Variants in TAOK3 observed in about 807,000 individuals in gnomAD.
TAOK3 encodes serine/threonine-protein kinase TAO3.
In TAOK3, 40 loss-of-function variants were observed where a neutral mutation model predicts 120.4. That is an observed-to-expected ratio of 0.33 (90% confidence interval 0.26 to 0.43). The LOEUF (loss-of-function observed/expected upper bound fraction) is 0.43. Ranked by LOEUF, TAOK3 falls within the 20% of genes least tolerant of loss-of-function variation. TAOK3 has a pLI of 1.00. For synonymous variants in TAOK3, 355 were observed against 387.5 expected (o/e 0.92, Z 0.99); for missense variants, 821 against 1,112.1 (o/e 0.74, Z 3.72).
At chr12:118,164,665 G>C (rs1032561286) in intron 17 of TAOK3, among the ~76,000 whole-genome samples, 2 of 152,080 alleles carry the variant, frequency 1.3e-5, no homozygotes, top group African/African-American at 4.8e-5. Flanking sequence ...TGATCCACCC[G>C]CCTCGGCCTT....
chr12:118,351,955 G>A (rs2045184301), intron 1 of TAOK3, among the ~76,000 whole-genome samples: 1 of 137,410 alleles, frequency 7.3e-6, no homozygotes, highest in East Asian at 2.4e-4. Flanking sequence ...CTCACTCCAA[G>A]CTCCGCCTCC....
At chr12:118,370,772 G>A (rs1464376929) in intron 1 of TAOK3, among the ~76,000 whole-genome samples, 2 of 152,120 alleles carry the variant, frequency 1.3e-5, no homozygotes, top group Non-Finnish European at 2.9e-5. Context: ...CTCAGAGTAG[G>A]AGGCTGTCCC....
chr12:118,219,860 C>T (rs150943851), intron 9 of TAOK3, among the ~76,000 whole-genome samples: 3,019 of 150,388 alleles, frequency 0.02, 40 homozygotes, highest in Middle Eastern at 0.045. Context: ...GCGATCTGCC[C>T]GCCCCAACCT....
intron 20 of TAOK3, among the ~76,000 whole-genome samples, chr12:118,151,851 A>G (rs1187842830): frequency 6.6e-6 from 1 of 152,172 alleles, no homozygotes; most frequent in African/African-American, 2.4e-5. Flanking sequence ...CGGTTTAAAA[A>G]TAGCTGAAAA....
chr12:118,196,100 G>A (rs1406414166), intron 13 of TAOK3, among the ~76,000 whole-genome samples: 1 of 123,042 alleles, frequency 8.1e-6, no homozygotes, highest in Non-Finnish European at 1.8e-5. Flanking sequence ...TAAATAAAAG[G>A]AAGTTTGGAT....
chr12:118,199,003 G>A (rs1329221673), intron 13 of TAOK3, 48 bp downstream of exon 13: 12 of 1,600,278 alleles, frequency 7.5e-6, no homozygotes, highest in Middle Eastern at 1.7e-4. Flanking sequence ...AACTGGATTC[G>A]CTATGATTGA....
chr12:118,150,943 T>C lies in TAOK3; in HGVS notation c.*54A>G, dbSNP rs1239106386. Reference sequence around the variant, plus strand: ...GAATGTGGTTTTGCAGGGTCTGAATTTTTTTCTGTTTTCTTTTTTTTTTTT... The same window carrying C: ...GAATGTGGTTTTGCAGGGTCTGAATCTTTTTCTGTTTTCTTTTTTTTTTTT... On this transcript the variant is annotated 3_prime_UTR_variant, in exon 21 of 21. Coordinates refer to ENST00000392533, the MANE Select transcript of TAOK3 (RefSeq NM_016281.4). The C allele has an allele frequency of 6.6e-7, 1 of 1,526,318 alleles. No homozygotes were observed. The highest frequency in any genetic ancestry group is 1.4e-5 in the African/African-American group (1 of 71,446). The allele number at this position is 1,526,318 out of a possible 1,614,324, so 94.5% of individuals were successfully genotyped here. A position where few individuals can be genotyped will look rare whatever the true frequency, so the allele number is the denominator to read the frequency against.
chr12:118,166,698 A>C (rs1359705983), intron 17 of TAOK3, among the ~76,000 whole-genome samples: 1 of 152,090 alleles, frequency 6.6e-6, no homozygotes, highest in Non-Finnish European at 1.5e-5. Context: ...GAGCCACATC[A>C]TGTGCACCTT....
intron 1 of TAOK3, among the ~76,000 whole-genome samples, chr12:118,368,360 G>A (rs1048636465): frequency 4.6e-5 from 7 of 151,978 alleles, no homozygotes; most frequent in African/African-American, 1.7e-4. Context: ...CCACGCCCCG[G>A]CTAATGTTTG....
At chr12:118,308,126 G>A (rs12296292) in intron 1 of TAOK3, among the ~76,000 whole-genome samples, 4,519 of 152,130 alleles carry the variant, frequency 0.03, 191 homozygotes, top group African/African-American at 0.093. Context: ...TAAAGAAGCC[G>A]GCCAAAACCC....
intron 1 of TAOK3, among the ~76,000 whole-genome samples, chr12:118,367,343 T>A (rs1288084805): frequency 2.0e-5 from 3 of 152,140 alleles, no homozygotes; most frequent in Admixed American, 6.5e-5. Context: ...AGCAGGTAAC[T>A]TTAATAACGT....
chr12:118,371,771 C>T lies in TAOK3; in HGVS notation c.-194+877G>A, dbSNP rs1216525101. Among the ~76,000 whole-genome samples the T allele has an allele frequency of 6.6e-6, 1 of 152,062 alleles. No individual in the cohort carries two copies. The highest frequency in any genetic ancestry group is 6.5e-5 in the Admixed American group (1 of 15,278). On this transcript the variant is annotated intron_variant, in intron 1 of 20. Coordinates refer to ENST00000392533, the MANE Select transcript of TAOK3 (RefSeq NM_016281.4). The surrounding 1 kb of genome is among the most constrained non-coding windows in gnomAD (Gnocchi z 5.5). ...CGGGCCCCCGCTATGTGACTGGGGG[C>T]CCGACCCGCACCCATGGGGCACCGC...
intron 9 of TAOK3, among the ~76,000 whole-genome samples, chr12:118,225,393 T>TAAA (rs34791558): frequency 7.0e-6 from 1 of 141,990 alleles, no homozygotes; most frequent in African/African-American, 2.6e-5. Context: ...GTCTTGCATG[T>TAAA]AAAAAAAAAA....
At position 118,335,568 on chromosome 12, in the gene TAOK3, G is replaced by A. The variant is rs143414739; in HGVS notation, c.-194+37080C>T. Among the ~76,000 whole-genome samples, 1,079 of 152,218 alleles carry A rather than the reference G, an allele frequency of 7.1e-3. 8 individuals are homozygous for A. The highest frequency in any genetic ancestry group is 0.017 in the Middle Eastern group (5 of 294). ...AACACAGCCAGGCATGGTGTCTCAC[G>A]CCTGTAATCCCAGCACTTTGGAAGG... is the stretch of plus-strand genomic sequence containing the variant. On this transcript the variant is annotated intron_variant, in intron 1 of 20. Transcript: ENST00000392533.
At chr12:118,165,125 T>G (rs2035497924) in intron 17 of TAOK3, among the ~76,000 whole-genome samples, 1 of 152,198 alleles carries the variant, frequency 6.6e-6, no homozygotes, top group South Asian at 2.1e-4. Context: ...ATCTCTCTCA[T>G]CTCCTCCCGT....
At chr12:118,285,353 A>G (rs908981557) in intron 1 of TAOK3, among the ~76,000 whole-genome samples, 2 of 141,692 alleles carry the variant, frequency 1.4e-5, no homozygotes, top group African/African-American at 5.3e-5. Flanking sequence ...TAATCTATTT[A>G]TTTTATTTTA....
intron 1 of TAOK3, among the ~76,000 whole-genome samples, chr12:118,276,689 G>A (rs866086760): frequency 2.6e-5 from 4 of 151,132 alleles, no homozygotes; most frequent in African/African-American, 7.3e-5. Flanking sequence ...GCAACACAGC[G>A]AGACTCCGTC....
At chr12:118,346,981 G>C (rs1456823318) in intron 1 of TAOK3, among the ~76,000 whole-genome samples, 2 of 152,010 alleles carry the variant, frequency 1.3e-5, no homozygotes, top group Admixed American at 1.3e-4. Flanking sequence ...ATCAGGCCAA[G>C]CACTTCTGTC....
In TAOK3 at chr12:118,226,790, T is replaced by A. The variant is rs1035637450; in HGVS notation, c.643+6884A>T. On this transcript the variant is annotated intron_variant, in intron 9 of 20. Transcript: ENST00000392533. Reference sequence around the variant, plus strand: ...AAAGGCTGATACAGAGAGCATGTAGTTATACATATTTCAATTCATTTTTAT... The same window carrying A: ...AAAGGCTGATACAGAGAGCATGTAGATATACATATTTCAATTCATTTTTAT... Among the ~76,000 whole-genome samples, 9 of 152,160 alleles carry A rather than the reference T, an allele frequency of 5.9e-5. No individual in the cohort carries two copies. In the East Asian group the frequency reaches 1.7e-3, roughly 29 times the overall value.
Sources: allele counts gnomAD v4.1 joint callset (sites outside exome capture counted in the v4.1 genomes callset), GRCh38; gene constraint gnomAD v4.1.1; non-coding constraint Gnocchi (gnomAD v3.1); transcripts MANE v1.5; gene names NCBI Gene and HGNC (gene_info 2026-07-23, HGNC 2026-07-21).